LMO7: variants seen among roughly 807,000 people sequenced by gnomAD.
The protein encoded by LMO7 is LIM domain 7.
A neutral mutation model predicts 206.5 loss-of-function variants in LMO7; 120 were observed. The observed-to-expected ratio is 0.58, with a 90% CI of 0.50 to 0.68. The LOEUF (loss-of-function observed/expected upper bound fraction) is 0.68. Among genes scored for constraint, LMO7 ranks in the 30% least tolerant of loss-of-function variants. The pLI is 0.00. For missense variants in LMO7, 1,959 were observed against 1,957.9 expected, an observed-to-expected ratio of 1.00 and a Z score of -0.01; for synonymous variants, 706 against 681.5, an observed-to-expected ratio of 1.04 and a Z score of -0.56.
At chr13:75,731,803 G>A (rs994036214) in intron 3 of LMO7, among the ~76,000 whole-genome samples, 2 of 151,592 alleles carry the variant, frequency 1.3e-5, no homozygotes, top group African/African-American at 4.8e-5. Flanking sequence ...CTTCCTTCAG[G>A]AGCTCTTTTA....
chr13:75,773,542 T>C (rs2050010570), intron 4 of LMO7, among the ~76,000 whole-genome samples: 1 of 152,018 alleles, frequency 6.6e-6, no homozygotes. Context: ...CTGAAAGCAG[T>C]GAACAGGTAG....
chr13:75,765,134 G>A (rs1396093546), intron 4 of LMO7, among the ~76,000 whole-genome samples: 3 of 152,130 alleles, frequency 2.0e-5, no homozygotes, highest in Admixed American at 6.6e-5. Flanking sequence ...TTTTGTGGTA[G>A]TGCTCTGAAG....
intron 4 of LMO7, among the ~76,000 whole-genome samples, chr13:75,781,716 A>G (rs1480128934): frequency 2.0e-5 from 3 of 151,696 alleles, no homozygotes; most frequent in South Asian, 4.2e-4. Flanking sequence ...GACTTCCACA[A>G]TGGTTGAACT....
intron 1 of LMO7, among the ~76,000 whole-genome samples, chr13:75,706,783 A>G (rs1487074661): frequency 1.3e-5 from 2 of 152,138 alleles, no homozygotes; most frequent in Non-Finnish European, 2.9e-5. Flanking sequence ...TAGATTGAAG[A>G]TAATTTAATT....
intron 17 of LMO7, 159 bp from the exon 18 acceptor site, chr13:75,835,070 TTATA>T: frequency 2.6e-6 from 2 of 778,938 alleles, no homozygotes; most frequent in Non-Finnish European, 1.8e-6. Context: ...AGATTTTTTT[TTATA>T]TATATGTGCA....
chr13:75,688,661 C>G (rs1001646825), intron 1 of LMO7: 4 of 152,294 alleles, frequency 2.6e-5, no homozygotes, highest in Non-Finnish European at 5.9e-5. Flanking sequence ...TCCTTTTTGG[C>G]TTTCGCAAAG....
At chr13:75,710,840 A>G (rs1005726524) in intron 1 of LMO7, among the ~76,000 whole-genome samples, 2 of 151,852 alleles carry the variant, frequency 1.3e-5, no homozygotes, top group African/African-American at 4.9e-5. Flanking sequence ...ACTATGTTGA[A>G]TAGGAGTGGT....
At position 75,764,933 on chromosome 13, in the gene LMO7, TG is replaced by T. The variant is rs557503589; in HGVS notation, c.317+3896del. On this transcript the variant is annotated intron_variant, in intron 4 of 30. Coordinates refer to ENST00000377534, the MANE Select transcript of LMO7 (RefSeq NM_001306080.2). The stretch of plus-strand genomic sequence containing the variant: ...AGTAAACATTGATATTAACGGAGTT[TG>T]TTTTTTTAAGTCGATTAAAATGAAA... Among the ~76,000 whole-genome samples the T allele has an allele frequency of 6.7e-4, 102 of 152,118 alleles. No homozygotes were observed. The South Asian group carries it at 0.013, about 20-fold the overall frequency.
At chr13:75,760,398 G>C in intron 3 of LMO7, 1 of 1,076,052 alleles carries the variant, frequency 9.3e-7, no homozygotes, top group Non-Finnish European at 1.1e-6. Context: ...TGCCTGTCAA[G>C]AGCCAGCTCA....
intron 17 of LMO7, 133 bp downstream of exon 17, chr13:75,834,520 G>A (rs9573666): frequency 0.033 from 20,554 of 623,726 alleles, 517 homozygotes; most frequent in African/African-American, 0.1. Context: ...TTGTAGTTAC[G>A]TCATGACAAA....
At chr13:75,795,203 C>G (rs2053822391) in intron 4 of LMO7, among the ~76,000 whole-genome samples, 198 bp from the exon 5 acceptor site, 1 of 152,058 alleles carries the variant, frequency 6.6e-6, no homozygotes, top group South Asian at 2.1e-4. Context: ...TACAGAAAAT[C>G]AATGCATTAT....
chr13:75,679,117 T>G (rs963454784), intron 1 of LMO7, among the ~76,000 whole-genome samples: 2 of 152,206 alleles, frequency 1.3e-5, no homozygotes, highest in African/African-American at 4.8e-5. Context: ...TGACACAGAA[T>G]ATTTCATTCA....
intron 4 of LMO7, among the ~76,000 whole-genome samples, chr13:75,776,074 T>C (rs1191058867): frequency 7.2e-6 from 1 of 139,344 alleles, no homozygotes; most frequent in Admixed American, 7.3e-5. Context: ...CAATGGATGA[T>C]TGGATAAAGA....
intron 1 of LMO7, among the ~76,000 whole-genome samples, chr13:75,645,405 G>C (rs2139061649): frequency 6.6e-6 from 1 of 152,286 alleles, no homozygotes; most frequent in East Asian, 1.9e-4. Flanking sequence ...GTCATTGCCA[G>C]TCTCATTATA....
At chr13:75,666,048 T>C (rs1221350353) in intron 1 of LMO7, among the ~76,000 whole-genome samples, 1 of 152,254 alleles carries the variant, frequency 6.6e-6, no homozygotes, top group Non-Finnish European at 1.5e-5. Flanking sequence ...TGTCATAGAA[T>C]ATTCTAATGT....
At chr13:75,620,921 A>C (rs1432060357) in exon 1 of LMO7, 2 of 150,496 alleles carry the variant, frequency 1.3e-5, no homozygotes, top group Non-Finnish European at 3.0e-5. Flanking sequence ...GTGGCTGTAC[A>C]AAAAAAAATA....
chr13:75,772,184 A>G (rs1049309975), intron 4 of LMO7, among the ~76,000 whole-genome samples: 3 of 152,118 alleles, frequency 2.0e-5, no homozygotes, highest in African/African-American at 4.8e-5. Context: ...TAACTTTCCA[A>G]ATGATTGCCA....
At chr13:75,668,576 C>G (rs2039274527) in intron 1 of LMO7, among the ~76,000 whole-genome samples, 1 of 152,178 alleles carries the variant, frequency 6.6e-6, no homozygotes, top group Non-Finnish European at 1.5e-5. Flanking sequence ...AAACTAGATG[C>G]TCATTTAGTG....
At chr13:75,680,645 C>G (rs188881733) in intron 1 of LMO7, among the ~76,000 whole-genome samples, 1 of 151,688 alleles carries the variant, frequency 6.6e-6, no homozygotes, top group African/African-American at 2.4e-5. Flanking sequence ...ATAGGATACA[C>G]GTGCTGTGGT....
Sources: allele counts gnomAD v4.1 joint callset (sites outside exome capture counted in the v4.1 genomes callset), GRCh38; gene constraint gnomAD v4.1.1; transcripts MANE v1.5; gene names NCBI Gene and HGNC (gene_info 2026-07-23, HGNC 2026-07-21).